Variants in CSMD1 observed in about 807,000 individuals in gnomAD.
The protein encoded by CSMD1 is CUB and Sushi multiple domains 1.
Under a neutral mutation model 417.5 loss-of-function variants are expected in CSMD1, and 213 were observed. The ratio of observed to expected loss-of-function variants is 0.51; its 90% CI spans 0.46 to 0.57. The LOEUF (loss-of-function observed/expected upper bound fraction) is 0.57, where lower values mean the gene tolerates loss of function less well. Among genes scored for constraint, CSMD1 ranks in the 20% least tolerant of loss-of-function variants. The pLI is 0.00. For missense variants in CSMD1, 6,923 were observed against 4,529.7 expected (o/e 1.53, Z -15.17); for synonymous variants, 2,862 against 1,736.8 (o/e 1.65, Z -16.11).
At chr8:3,358,203 G>C (rs748237548) in intron 21 of CSMD1, among the ~76,000 whole-genome samples, 5 of 152,196 alleles carry the variant, frequency 3.3e-5, no homozygotes, top group Non-Finnish European at 7.3e-5. Flanking sequence ...GGTGAAATTA[G>C]TGTGGTTCGT....
At chr8:4,332,999 A>C (rs968700441) in intron 3 of CSMD1, among the ~76,000 whole-genome samples, 7 of 152,004 alleles carry the variant, frequency 4.6e-5, no homozygotes, top group Non-Finnish European at 7.4e-5. Flanking sequence ...CGTCATATGA[A>C]AGAGCCTAGC....
At chr8:3,273,890 G>C (rs556386126) in intron 26 of CSMD1, among the ~76,000 whole-genome samples, 2 of 151,926 alleles carry the variant, frequency 1.3e-5, no homozygotes, top group Non-Finnish European at 2.9e-5. Context: ...TCCTGGATTC[G>C]TTAATTTTTT....
intron 4 of CSMD1, among the ~76,000 whole-genome samples, chr8:4,023,495 G>A (rs1398252692): frequency 2.0e-5 from 3 of 152,062 alleles, no homozygotes; most frequent in East Asian, 3.9e-4. Flanking sequence ...AATCACAGAA[G>A]AGGAAGTCTA....
At chr8:3,746,908 G>T (rs189624542) in intron 6 of CSMD1, among the ~76,000 whole-genome samples, 1 of 152,320 alleles carries the variant, frequency 6.6e-6, no homozygotes, top group East Asian at 1.9e-4. Context: ...AGTACAGTGG[G>T]TCAGGACACT....
At chr8:3,926,418 C>G (rs1415533583) in intron 5 of CSMD1, among the ~76,000 whole-genome samples, 1 of 151,886 alleles carries the variant, frequency 6.6e-6, no homozygotes, top group Non-Finnish European at 1.5e-5. Flanking sequence ...TGAGATATTA[C>G]CAGTAGCTAA....
intron 3 of CSMD1, among the ~76,000 whole-genome samples, chr8:4,282,065 T>C (rs1214485399): frequency 1.3e-5 from 2 of 152,234 alleles, no homozygotes; most frequent in Non-Finnish European, 2.9e-5. Context: ...TGTAGCACAT[T>C]GTAGCATCCA....
intron 37 of CSMD1, among the ~76,000 whole-genome samples, chr8:3,170,450 C>T (rs1471010523): frequency 3.3e-5 from 5 of 152,194 alleles, no homozygotes; most frequent in Non-Finnish European, 7.3e-5. Context: ...CCTTGTCATC[C>T]GCCCGCCTCG....
At chr8:4,853,852 C>G (rs991436639) in intron 1 of CSMD1, among the ~76,000 whole-genome samples, 1 of 152,158 alleles carries the variant, frequency 6.6e-6, no homozygotes, top group Non-Finnish European at 1.5e-5. Flanking sequence ...AGTAGTGTGA[C>G]CTGGATGCAG....
At chr8:4,317,103 T>A (rs1003008317) in intron 3 of CSMD1, among the ~76,000 whole-genome samples, 1 of 152,146 alleles carries the variant, frequency 6.6e-6, no homozygotes, top group Non-Finnish European at 1.5e-5. Context: ...GGCAAGAGGT[T>A]TCCAACTGGC....
chr8:4,462,689 T>C (rs1477517350), intron 2 of CSMD1, among the ~76,000 whole-genome samples: 2 of 152,176 alleles, frequency 1.3e-5, no homozygotes, highest in African/African-American at 4.8e-5. Context: ...ACCACTGACA[T>C]TACCCGTCAA....
intron 12 of CSMD1, among the ~76,000 whole-genome samples, chr8:3,459,089 T>C (rs1470641135): frequency 6.6e-6 from 1 of 152,128 alleles, no homozygotes; most frequent in Non-Finnish European, 1.5e-5. Context: ...GAACGATGGA[T>C]GGGCACAGGA....
intron 5 of CSMD1, among the ~76,000 whole-genome samples, chr8:3,844,917 A>ATCC (rs879277365): frequency 6.6e-6 from 1 of 152,198 alleles, no homozygotes; most frequent in African/African-American, 2.4e-5. Flanking sequence ...GTGCATTTAA[A>ATCC]AACTGCCATC....
chr8:2,991,504 TC>T (rs1248795894), intron 54 of CSMD1, among the ~76,000 whole-genome samples: 7 of 152,166 alleles, frequency 4.6e-5, no homozygotes, highest in Admixed American at 4.6e-4. Context: ...TTTTGAAAAA[TC>T]TCAGAGAAGA....
intron 1 of CSMD1, 141 bp downstream of exon 1, chr8:4,994,191 T>C: frequency 1.4e-6 from 1 of 695,640 alleles, no homozygotes; most frequent in East Asian, 2.8e-5. Context: ...TGCATCGCGT[T>C]CCCCGAGCTT....
At chr8:4,955,067 A>C (rs868415290) in intron 1 of CSMD1, among the ~76,000 whole-genome samples, 5 of 152,236 alleles carry the variant, frequency 3.3e-5, no homozygotes, top group Middle Eastern at 3.4e-3. Context: ...AGTGGCTCTC[A>C]AAATAGGCTC....
chr8:3,194,857 G>T (rs1796616110), intron 33 of CSMD1, among the ~76,000 whole-genome samples: 1 of 152,022 alleles, frequency 6.6e-6, no homozygotes. Context: ...TCCTGAGCCT[G>T]GGATGCAGGT....
intron 5 of CSMD1, among the ~76,000 whole-genome samples, chr8:3,811,023 C>T (rs1048652614): frequency 5.9e-5 from 9 of 152,186 alleles, no homozygotes; most frequent in Admixed American, 5.2e-4. Flanking sequence ...CGTTTGATCA[C>T]TCCGTCTTAC....
chr8:3,010,872 T>C (rs983543911), intron 52 of CSMD1, among the ~76,000 whole-genome samples: 1 of 151,830 alleles, frequency 6.6e-6, no homozygotes, highest in African/African-American at 2.4e-5. Context: ...GCTTCCCAAG[T>C]AGCTGGGATT....
intron 3 of CSMD1, among the ~76,000 whole-genome samples, chr8:4,310,786 A>G (rs1234312335): frequency 2.0e-5 from 3 of 152,234 alleles, no homozygotes; most frequent in Admixed American, 6.5e-5. Context: ...GCCTTACCAA[A>G]GGAAGAAATT....
Sources: allele counts gnomAD v4.1 joint callset (sites outside exome capture counted in the v4.1 genomes callset), GRCh38; gene constraint gnomAD v4.1.1; transcripts MANE v1.5; gene names NCBI Gene and HGNC (gene_info 2026-07-23, HGNC 2026-07-21).